Variants in WDR3 observed in about 807,000 individuals in gnomAD.
WDR3 encodes WD repeat domain 3, also known as WD repeat-containing protein 3.
Under a neutral mutation model 123.7 loss-of-function variants are expected in WDR3, and 81 were observed. The ratio of observed to expected loss-of-function variants is 0.65; its 90% CI spans 0.55 to 0.79. The LOEUF is 0.79. Among genes scored for constraint, WDR3 ranks in the 30% least tolerant of loss-of-function variants. The pLI, the probability that WDR3 is intolerant of heterozygous loss-of-function variation, is 0.00. For missense variants in WDR3, 1,027 were observed against 1,123.2 expected (o/e 0.91, Z 1.22); for synonymous variants, 390 against 388.8 (o/e 1.00, Z -0.04).
At chr1:117,951,508 C>CTTTTTTTTTTT (rs60053262) in intron 16 of WDR3, among the ~76,000 whole-genome samples, 5 of 128,794 alleles carry the variant, frequency 3.9e-5, no homozygotes, top group Non-Finnish European at 6.9e-5. Flanking sequence ...AAATGTATTT[C>CTTTTTTTTTTT]TTTTTTTTTT....
intron 3 of WDR3, among the ~76,000 whole-genome samples, chr1:117,935,454 C>T (rs762752527): frequency 1.3e-5 from 2 of 151,914 alleles, no homozygotes; most frequent in Non-Finnish European, 2.9e-5. Context: ...TACTTCAATG[C>T]AAGTACCAAT....
Position 117,952,396 on chromosome 1 carries a change from A to G in WDR3, c.2004A>G (p.Ile668Met). ...GGGATGCAGACAAATTTGAACACAT[A>G]CAGACTCTGGAGGTAACCACATGCC... ...KQWDADKFEH[I>M]QTLEGHHQEI... Residue 668 changes from isoleucine to methionine, a missense_variant, in exon 18 of 27, where the codon ATA becomes ATG. Ile to Met is a conservative substitution (Grantham distance 10). Transcript: ENST00000349139. 1 of 1,612,630 alleles carries G rather than the reference A, an allele frequency of 6.2e-7. No homozygotes were observed. The highest frequency in any genetic ancestry group is 1.1e-5 in the South Asian group (1 of 90,772).
In WDR3 at chr1:117,937,005, G is replaced by A; in HGVS notation, c.500+118G>A. ...TGCTTATGCATTAGTTTTCTCTCCT[G>A]TTCTCCTGCATTCCTTCTTTCCATT... On this transcript the variant is annotated intron_variant, in intron 4 of 26. Coordinates refer to ENST00000349139, the MANE Select transcript of WDR3 (RefSeq NM_006784.3). 7 of 718,292 alleles carry A rather than the reference G, an allele frequency of 9.7e-6. 1 individual carries two copies. The South Asian group carries it at 1.2e-4, about 12-fold the overall frequency. The allele number at this position is 718,292 out of a possible 1,614,324, so 44.5% of individuals were successfully genotyped here.
At position 117,933,354 on chromosome 1, in the gene WDR3, C is replaced by T. The variant is rs1650801432; in HGVS notation, c.35C>T (p.Ala12Val). Residue 12 changes from alanine (A) to valine (V), a missense_variant, in exon 2 of 27, where the codon GCT (alanine) becomes GTT (valine). Physicochemically the swap from Ala to Val is moderately conservative, Grantham distance 64. Coordinates refer to ENST00000349139, the MANE Select transcript of WDR3 (RefSeq NM_006784.3). ...GLTKQYLRYV[A>V]SAVFGVIGSQ... Reference sequence around the variant, plus strand: ...ACCAAGCAGTACCTACGCTATGTTGCTAGTGCGGTCTTTGGCGTTATCGGC... The same window carrying T: ...ACCAAGCAGTACCTACGCTATGTTGTTAGTGCGGTCTTTGGCGTTATCGGC... 6.2e-7 allele frequency: 1 copy of T among 1,614,168 alleles called. No individual in the cohort carries two copies. Among genetic ancestry groups the T allele is most frequent in the Non-Finnish European group, 8.5e-7 (1 of 1,180,036 alleles).
At chr1:117,950,810 T>A (rs1284492298) in intron 15 of WDR3, 24 bp from the exon 16 acceptor site, 24 of 1,588,852 alleles carry the variant, frequency 1.5e-5, no homozygotes, top group Non-Finnish European at 2.1e-5. Flanking sequence ...AGACAGACAT[T>A]AATTATGTTT....
At position 117,963,659 on chromosome 1, in the gene WDR3, C is replaced by T. The variant is rs928749067; in HGVS notation, c.*4212C>T. On this transcript the variant is annotated 3_prime_UTR_variant, in exon 27 of 27. Coordinates refer to ENST00000349139, the MANE Select transcript of WDR3 (RefSeq NM_006784.3). ...GATTACAGGTGTGAGCCACCGGGCC[C>T]GGCCTAAACAAATATTTTCATTCAT... 4.1e-5 allele frequency: 31 copies of T among 752,588 alleles called. 1 individual carries two copies. Among genetic ancestry groups the T allele is most frequent in the Middle Eastern group, 7.7e-4 (2 of 2,610 alleles). The allele number at this position is 752,588 out of a possible 1,614,324, so 46.6% of individuals were successfully genotyped here. A position where few individuals can be genotyped will look rare whatever the true frequency, so the allele number is the denominator to read the frequency against.
rs1043735882 is a variant in WDR3 at position 117,959,627 on chromosome 1, G to C, written c.*180G>C. ...AATTCCAACATGAGATTATGGGCTGGCTCCATTTCTTGGACTTAAAATGCA... is the reference window on the plus strand; with the variant it reads ...AATTCCAACATGAGATTATGGGCTGCCTCCATTTCTTGGACTTAAAATGCA... On this transcript the variant is annotated 3_prime_UTR_variant, in exon 27 of 27. Transcript: ENST00000349139. The C allele has an allele frequency of 1.8e-6, 1 of 564,518 alleles. No homozygotes were observed. The highest frequency in any genetic ancestry group is 2.8e-6 in the Non-Finnish European group (1 of 356,562). The allele number at this position is 564,518 out of a possible 1,614,324, so 35.0% of individuals were successfully genotyped here.
intron 10 of WDR3, among the ~76,000 whole-genome samples, chr1:117,943,163 G>T (rs1366680780): frequency 6.6e-6 from 1 of 152,086 alleles, no homozygotes; most frequent in Non-Finnish European, 1.5e-5. Flanking sequence ...ATGTTGGCCA[G>T]GCTGGTCTCA....
rs1156253656 is a variant in WDR3 at position 117,952,354 on chromosome 1, T to TCATA, written c.1963_1966dup (p.Lys656ThrfsTer2). 1 of 1,613,462 alleles carries TCATA rather than the reference T, an allele frequency of 6.2e-7. No individual in the cohort carries two copies. The highest frequency in any genetic ancestry group is 2.2e-5 in the East Asian group (1 of 44,868). On this transcript the variant is annotated frameshift_variant, in exon 18 of 27. Coordinates refer to ENST00000349139, the MANE Select transcript of WDR3 (RefSeq NM_006784.3). LOFTEE classifies it high-confidence loss of function. Reference sequence around the variant, plus strand: ...ACCTCTTCTTCACTGCCGGAAAAGATCATAAGATTAAACAGTGGGATGCAG... The same window carrying TCATA: ...ACCTCTTCTTCACTGCCGGAAAAGATCATACATAAGATTAAACAGTGGGATGCAG...
chr1:117,950,769 C>A, intron 15 of WDR3, 65 bp from the exon 16 acceptor site: 1 of 1,328,704 alleles, frequency 7.5e-7, no homozygotes, highest in Non-Finnish European at 1.1e-6. Flanking sequence ...TATTTTAGAC[C>A]TACATGTAAT....
intron 4 of WDR3, among the ~76,000 whole-genome samples, chr1:117,937,342 A>G (rs1294959382): frequency 6.6e-6 from 1 of 152,230 alleles, no homozygotes; most frequent in Admixed American, 6.5e-5. Context: ...TACATAAAAA[A>G]TCATCAAATA....
chr1:117,952,579 G>A lies in WDR3; in HGVS notation c.2068G>A (p.Val690Ile), dbSNP rs1401681873. 6.2e-7 allele frequency: 1 copy of A among 1,613,630 alleles called. No homozygotes were observed. ...GGCTGTAAGCCCCAGTGGAGACTAT[G>A]TTGTATCATCGTCCCATGACAAATC... ...CLAVSPSGDY[V>I]VSSSHDKSLR... The change falls in exon 19 of 27, where the codon GTT becomes ATT. Residue 690 changes from valine to isoleucine, a missense_variant. Transcript: ENST00000349139.
intron 1 of WDR3, among the ~76,000 whole-genome samples, chr1:117,931,742 G>A (rs1423985717): frequency 6.6e-6 from 1 of 152,216 alleles, no homozygotes; most frequent in Non-Finnish European, 1.5e-5. Context: ...GGAGGAATAA[G>A]AGGAATTGGG....
At chr1:117,931,837 G>A (rs1008157131) in intron 1 of WDR3, among the ~76,000 whole-genome samples, 1 of 152,156 alleles carries the variant, frequency 6.6e-6, no homozygotes, top group African/African-American at 2.4e-5. Flanking sequence ...GCTTTATGTT[G>A]GTTCCTGTGA....
chr1:117,961,577 T>A lies in WDR3; in HGVS notation c.*2130T>A, dbSNP rs1489626266. The stretch of plus-strand genomic sequence containing the variant: ...CAAAGATTTAAAACTATGGTTTCTG[T>A]CTGAATTTGGTCATTGCAACCAAGT... On this transcript the variant is annotated 3_prime_UTR_variant, in exon 27 of 27. Transcript: ENST00000349139. The A allele has an allele frequency of 6.6e-6, 1 of 152,228 alleles. No homozygotes were observed. Among genetic ancestry groups the A allele is most frequent in the Non-Finnish European group, 1.5e-5 (1 of 68,048 alleles). 9.4% of individuals were successfully genotyped at this position (152,228 alleles called of 1,614,324 possible). A position where few individuals can be genotyped will look rare whatever the true frequency, so the allele number is the denominator to read the frequency against.
At chr1:117,956,632 TA>T (rs1223694131) in intron 24 of WDR3, among the ~76,000 whole-genome samples, 1 of 152,152 alleles carries the variant, frequency 6.6e-6, no homozygotes, top group Non-Finnish European at 1.5e-5. Flanking sequence ...GAGCTAGTTC[TA>T]GAGGGAACTA....
intron 12 of WDR3, among the ~76,000 whole-genome samples, chr1:117,947,099 C>T (rs1651437053): frequency 6.6e-6 from 1 of 152,112 alleles, no homozygotes; most frequent in Non-Finnish European, 1.5e-5. Flanking sequence ...GCTATGTGAC[C>T]TTAACCCTGT....
intron 4 of WDR3, among the ~76,000 whole-genome samples, chr1:117,937,169 C>G (rs1048188595): frequency 2.6e-5 from 4 of 152,012 alleles, no homozygotes; most frequent in African/African-American, 7.2e-5. Context: ...TGAGCTTTGT[C>G]TACCTTCTAG....
At chr1:117,930,922 A>G (rs1423060854) in intron 1 of WDR3, among the ~76,000 whole-genome samples, 3 of 152,138 alleles carry the variant, frequency 2.0e-5, no homozygotes, top group Admixed American at 2.0e-4. Context: ...AGGAAGAGTG[A>G]CTTCCCTTGT....
Sources: allele counts gnomAD v4.1 joint callset (sites outside exome capture counted in the v4.1 genomes callset), GRCh38; gene constraint gnomAD v4.1.1; transcripts MANE v1.5; gene names NCBI Gene and HGNC (gene_info 2026-07-23, HGNC 2026-07-21).